Variants in XKR9 observed in about 807,000 individuals in gnomAD.
The protein encoded by XKR9 is XK-related protein 9.
XKR9 carries 32 observed loss-of-function variants against 32.0 expected under a neutral mutation model. The ratio of observed to expected loss-of-function variants is 1.00; its 90% CI spans 0.76 to 1.34. The LOEUF (loss-of-function observed/expected upper bound fraction) is 1.34. XKR9 is among the 40% of genes most tolerant of loss of function. The pLI is 0.00. For synonymous variants in XKR9, 168 were observed against 143.4 expected, an observed-to-expected ratio of 1.17 and a Z score of -1.22; for missense variants, 546 against 429.7, an observed-to-expected ratio of 1.27 and a Z score of -2.39.
At chr8:70,938,503 G>T in the XKR9 span, among the ~76,000 whole-genome samples, 1 of 151,888 alleles carries the variant, frequency 6.6e-6, no homozygotes, top group African/African-American at 2.4e-5. Flanking sequence ...TCATGTATGT[G>T]CTCCCAGCCC....
At chr8:70,733,501 T>TA (rs1159431083) in intron 4 of XKR9, among the ~76,000 whole-genome samples, 2 of 152,186 alleles carry the variant, frequency 1.3e-5, no homozygotes, top group East Asian at 1.9e-4. Context: ...CATGAATTTT[T>TA]AAAAAATCAT....
At chr8:70,756,892 T>G (rs1037015555) in intron 2 of XKR9, among the ~76,000 whole-genome samples, 9 of 152,150 alleles carry the variant, frequency 5.9e-5, no homozygotes, top group African/African-American at 1.7e-4. Context: ...CAAATAGAAG[T>G]GTTGAGGGTG....
chr8:70,941,290 G>A, the XKR9 span, among the ~76,000 whole-genome samples: 1 of 152,018 alleles, frequency 6.6e-6, no homozygotes, highest in Admixed American at 6.6e-5. Flanking sequence ...ATTGTAGCAT[G>A]TATCAACCTT....
intron 2 of XKR9, among the ~76,000 whole-genome samples, chr8:70,784,633 G>A (rs759876607): frequency 6.6e-5 from 10 of 151,698 alleles, no homozygotes; most frequent in Admixed American, 3.3e-4. Context: ...TAAGATCATG[G>A]CATCAACAAA....
chr8:70,853,782 G>T, the XKR9 span, among the ~76,000 whole-genome samples: 1 of 152,012 alleles, frequency 6.6e-6, no homozygotes, highest in Non-Finnish European at 1.5e-5. Context: ...GCAGTGTTTG[G>T]TTTTTTGTCC....
chr8:70,832,114 G>T, the XKR9 span, among the ~76,000 whole-genome samples: 1 of 152,142 alleles, frequency 6.6e-6, no homozygotes. Context: ...CTAGAAAGCA[G>T]GTATCTTGAG....
chr8:70,910,065 A>C, the XKR9 span, among the ~76,000 whole-genome samples: 2,219 of 152,076 alleles, frequency 0.015, 47 homozygotes, highest in African/African-American at 0.051. Context: ...TAGGTGCTCA[A>C]TAAATGCTTA....
downstream of XKR9, among the ~76,000 whole-genome samples, chr8:70,737,077 A>T (rs1237980126): frequency 1.3e-5 from 2 of 151,394 alleles, no homozygotes; most frequent in Non-Finnish European, 3.0e-5. Context: ...CATTTTCATG[A>T]TATTGATTCT....
the XKR9 span, among the ~76,000 whole-genome samples, chr8:70,853,866 T>C: frequency 2.4e-3 from 362 of 152,344 alleles, 11 homozygotes; most frequent in East Asian, 0.058. Flanking sequence ...CTAATCCTTT[T>C]TTATGGCTGC....
At chr8:70,876,510 T>C in the XKR9 span, among the ~76,000 whole-genome samples, 1 of 152,150 alleles carries the variant, frequency 6.6e-6, no homozygotes, top group Non-Finnish European at 1.5e-5. Flanking sequence ...TGGTTTAATC[T>C]GTCCAGTGCA....
the XKR9 span, among the ~76,000 whole-genome samples, chr8:70,822,167 A>C: frequency 6.6e-6 from 1 of 152,198 alleles, no homozygotes; most frequent in Non-Finnish European, 1.5e-5. Flanking sequence ...GTAAAGGAAA[A>C]TAGAAGCACC....
At chr8:70,975,082 G>T in the XKR9 span, among the ~76,000 whole-genome samples, 1 of 152,040 alleles carries the variant, frequency 6.6e-6, no homozygotes, top group Non-Finnish European at 1.5e-5. Flanking sequence ...TTTTTGATGG[G>T]GTTGATTGAT....
the XKR9 span, among the ~76,000 whole-genome samples, chr8:70,944,543 T>C: frequency 3.3e-5 from 5 of 152,198 alleles, no homozygotes; most frequent in South Asian, 1.0e-3. Flanking sequence ...ATCTTGTTTA[T>C]GGTCTCTGAT....
chr8:70,695,949 T>C (rs1805257439), intron 3 of XKR9, among the ~76,000 whole-genome samples: 1 of 152,084 alleles, frequency 6.6e-6, no homozygotes, highest in South Asian at 2.1e-4. Context: ...CATTTTTTCA[T>C]GTGTTTTTTG....
At chr8:70,941,771 A>T in the XKR9 span, among the ~76,000 whole-genome samples, 2 of 152,140 alleles carry the variant, frequency 1.3e-5, no homozygotes, top group African/African-American at 4.8e-5. Context: ...TTCTAGACTC[A>T]GGGGTGTGAA....
At chr8:70,829,550 G>C in the XKR9 span, among the ~76,000 whole-genome samples, 2 of 152,150 alleles carry the variant, frequency 1.3e-5, no homozygotes, top group Non-Finnish European at 2.9e-5. Context: ...CCGGGTTCAC[G>C]CCATTCTCCT....
At chr8:70,960,909 G>A in the XKR9 span, among the ~76,000 whole-genome samples, 1 of 151,194 alleles carries the variant, frequency 6.6e-6, no homozygotes, top group South Asian at 2.1e-4. Context: ...GCTGGGCACC[G>A]TGTAATCTCC....
At chr8:70,760,611 G>C (rs1030115793) in intron 2 of XKR9, among the ~76,000 whole-genome samples, 3 of 152,182 alleles carry the variant, frequency 2.0e-5, no homozygotes, top group Non-Finnish European at 4.4e-5. Flanking sequence ...GTACAGGCAG[G>C]TGCCACTATG....
the XKR9 span, among the ~76,000 whole-genome samples, chr8:70,838,787 C>T: frequency 1.3e-5 from 2 of 151,944 alleles, no homozygotes; most frequent in Non-Finnish European, 2.9e-5. Context: ...TCTACTGCAC[C>T]GTGTTCATTG....
Sources: allele counts gnomAD v4.1 joint callset (sites outside exome capture counted in the v4.1 genomes callset), GRCh38; gene constraint gnomAD v4.1.1; transcripts MANE v1.5; gene names NCBI Gene and HGNC (gene_info 2026-07-23, HGNC 2026-07-21).